Variants in CERS6 observed in about 807,000 individuals in gnomAD.
CERS6 encodes the protein ceramide synthase 6, also known as LAG1 homolog, ceramide synthase 6.
A neutral mutation model predicts 56.8 loss-of-function variants in CERS6; 26 were observed. The observed-to-expected ratio is 0.46, with a 90% CI of 0.34 to 0.63. The LOEUF (loss-of-function observed/expected upper bound fraction) is 0.63, where lower values mean the gene tolerates loss of function less well. Ranked by LOEUF, CERS6 falls within the 30% of genes least tolerant of loss-of-function variation. The pLI is 0.01. For synonymous variants in CERS6, 164 were observed against 173.3 expected (o/e 0.95, Z 0.42); for missense variants, 415 against 467.5 (o/e 0.89, Z 1.04).
intron 8 of CERS6, among the ~76,000 whole-genome samples, chr2:168,718,902 G>GA (rs1687293484): frequency 6.6e-6 from 1 of 152,194 alleles, no homozygotes. Context: ...GGCAGAGTCA[G>GA]AAAAAGAATG....
At chr2:168,556,991 CAAAAAAAAA>C (rs71003046) in intron 2 of CERS6, among the ~76,000 whole-genome samples, 1 of 82,318 alleles carries the variant, frequency 1.2e-5, no homozygotes, top group East Asian at 5.4e-4. Context: ...CTTGTCTCTA[CAAAAAAAAA>C]AAAAAAAAAA....
intron 1 of CERS6, among the ~76,000 whole-genome samples, chr2:168,476,201 C>T (rs775894966): frequency 2.0e-5 from 3 of 151,344 alleles, no homozygotes; most frequent in South Asian, 2.1e-4. Context: ...ATGCTCCTCT[C>T]TGGCATCCTC....
At chr2:168,458,370 G>A (rs1013292431) in intron 1 of CERS6, among the ~76,000 whole-genome samples, 2 of 152,192 alleles carry the variant, frequency 1.3e-5, no homozygotes, top group African/African-American at 4.8e-5. Flanking sequence ...ATTCCAGGCT[G>A]TTCACTGTGT....
chr2:168,559,897 A>C (rs1695757278), intron 2 of CERS6, among the ~76,000 whole-genome samples: 1 of 151,670 alleles, frequency 6.6e-6, no homozygotes, highest in Non-Finnish European at 1.5e-5. Flanking sequence ...TAATAAAGGA[A>C]TGGAGGTCAC....
At chr2:168,658,313 C>T (rs566039969) in intron 4 of CERS6, among the ~76,000 whole-genome samples, 10 of 152,276 alleles carry the variant, frequency 6.6e-5, no homozygotes, top group African/African-American at 1.2e-4. Flanking sequence ...AAGTAGATTT[C>T]GGCTCCCCGG....
At chr2:168,466,863 G>A (rs369569356) in intron 1 of CERS6, among the ~76,000 whole-genome samples, 1 of 152,148 alleles carries the variant, frequency 6.6e-6, no homozygotes, top group South Asian at 2.1e-4. Flanking sequence ...CAGGAGAGAT[G>A]CATTCCTTCA....
intron 4 of CERS6, among the ~76,000 whole-genome samples, chr2:168,645,146 G>T (rs75277934): frequency 0.036 from 553 of 15,538 alleles, 12 homozygotes; most frequent in African/African-American, 0.06. Context: ...TATATATAGA[G>T]AGAGAGAGAG....
chr2:168,647,130 C>A (rs935694551), intron 4 of CERS6, among the ~76,000 whole-genome samples: 1 of 152,110 alleles, frequency 6.6e-6, no homozygotes, highest in African/African-American at 2.4e-5. Context: ...GGCAGTGCAG[C>A]CATTTTAATT....
chr2:168,695,278 G>A (rs1686617260), intron 6 of CERS6, among the ~76,000 whole-genome samples: 1 of 152,028 alleles, frequency 6.6e-6, no homozygotes, highest in Non-Finnish European at 1.5e-5. Context: ...TTTTCTCCAT[G>A]TAATAATGTA....
intron 1 of CERS6, among the ~76,000 whole-genome samples, chr2:168,546,050 T>G (rs775877069): frequency 3.9e-5 from 6 of 152,184 alleles, no homozygotes; most frequent in Admixed American, 6.5e-5. Context: ...TTGTACCTTA[T>G]GATGAGGGGC....
chr2:168,610,199 G>C (rs992027654), intron 3 of CERS6, among the ~76,000 whole-genome samples: 17 of 152,000 alleles, frequency 1.1e-4, no homozygotes, highest in Admixed American at 3.3e-4. Flanking sequence ...GGATGGTCTC[G>C]ATCTCCTGAC....
At chr2:168,577,558 A>G (rs1259910880) in intron 3 of CERS6, among the ~76,000 whole-genome samples, 1 of 152,154 alleles carries the variant, frequency 6.6e-6, no homozygotes, top group Non-Finnish European at 1.5e-5. Flanking sequence ...AGAGGGAAAA[A>G]TGGATGATGC....
rs754814456 is a variant in CERS6 at position 168,715,065 on chromosome 2, A to G, written c.674A>G (p.Asn225Ser). The change falls in exon 7 of 10, where the codon AAC (asparagine) becomes AGC (serine). Residue 225 changes from asparagine (N) to serine (S), a missense_variant. Asn to Ser is a conservative substitution (Grantham distance 46). Transcript: ENST00000305747. ...SIFLITFSYV[N>S]NMARVGTLVL... ...TTCTTGATTACCTTTTCATATGTCA[A>G]CAATATGGCCCGAGTAGGAACGCTG... 6.2e-6 allele frequency: 10 copies of G among 1,612,638 alleles called. No homozygotes were observed. The highest frequency in any genetic ancestry group is 3.3e-5 in the Admixed American group (2 of 59,882).
intron 4 of CERS6, among the ~76,000 whole-genome samples, chr2:168,677,017 G>T (rs1686079512): frequency 3.4e-5 from 5 of 147,136 alleles, no homozygotes; most frequent in African/African-American, 7.5e-5. Flanking sequence ...TTTTTTTGGA[G>T]ATTTTTTTTT....
At chr2:168,465,758 T>A (rs997930593) in intron 1 of CERS6, among the ~76,000 whole-genome samples, 2 of 152,138 alleles carry the variant, frequency 1.3e-5, no homozygotes, top group Non-Finnish European at 1.5e-5. Context: ...TTTTGCAAGA[T>A]GGAAAGAGTC....
At chr2:168,547,732 G>C in intron 2 of CERS6, 31 bp downstream of exon 2, 5 of 1,399,214 alleles carry the variant, frequency 3.6e-6, no homozygotes, top group Non-Finnish European at 5.1e-6. Flanking sequence ...GGTATAGATT[G>C]TCCCCGGTCA....
At chr2:168,635,912 T>A (rs1268662718) in intron 4 of CERS6, among the ~76,000 whole-genome samples, 1 of 152,202 alleles carries the variant, frequency 6.6e-6, no homozygotes, top group East Asian at 1.9e-4. Flanking sequence ...TATTGCTTAG[T>A]TCGGAATCTT....
At chr2:168,529,290 C>G (rs1164454304) in intron 1 of CERS6, among the ~76,000 whole-genome samples, 1 of 152,154 alleles carries the variant, frequency 6.6e-6, no homozygotes, top group Non-Finnish European at 1.5e-5. Context: ...CTGTCAGATT[C>G]TTCTGGGGGG....
intron 8 of CERS6, among the ~76,000 whole-genome samples, chr2:168,761,388 G>A (rs1684578461): frequency 6.6e-6 from 1 of 152,174 alleles, no homozygotes; most frequent in Non-Finnish European, 1.5e-5. Flanking sequence ...CCAAGCGGTA[G>A]CATCAGTCCT....
Sources: allele counts gnomAD v4.1 joint callset (sites outside exome capture counted in the v4.1 genomes callset), GRCh38; gene constraint gnomAD v4.1.1; transcripts MANE v1.5; gene names NCBI Gene and HGNC (gene_info 2026-07-23, HGNC 2026-07-21).